THBD: variants seen among roughly 807,000 people sequenced by gnomAD.
The protein encoded by THBD is CD141 antigen.
For missense variants in THBD, 850 were observed against 816.9 expected (o/e 1.04, Z -0.49); for synonymous variants, 449 against 374.2 (o/e 1.20, Z -2.31).
Position 23,049,341 on chromosome 20 carries a change from A to G in THBD, c.164T>C (p.Leu55Pro), listed in dbSNP as rs1286839461. 1 of 1,597,108 alleles carries G rather than the reference A, an allele frequency of 6.3e-7. No individual in the cohort carries two copies. The highest frequency in any genetic ancestry group is 2.3e-5 in the East Asian group (1 of 43,916). Residue 55 changes from leucine to proline, a missense_variant, in exon 1 of 1, where the codon CTG becomes CCG. Coordinates refer to ENST00000377103, the MANE Select transcript of THBD (RefSeq NM_000361.3). ...GCGCACTGTCATTAGGTGGCCCCGC[A>G]GTCCGTCGCAGATCTGACTGGCATT... is the stretch of plus-strand genomic sequence containing the variant. ...FLNASQICDG[L>P]RGHLMTVRSS...
chr20:23,049,053 G>C lies in THBD; in HGVS notation c.452C>G (p.Pro151Arg). ...TTCGCACTGCTGCTCCTCCCAGATC[G>C]GCTCGCTGGGCACAGTGGCCTCAGC... Reference protein sequence around the residue: ...SAAEATVPSEPIWEEQQCEVK... With the variant: ...SAAEATVPSERIWEEQQCEVK... The change falls in exon 1 of 1, where the codon CCG becomes CGG. Residue 151 changes from proline (P) to arginine (R), a missense_variant. Physicochemically the swap from Pro to Arg is moderately radical, Grantham distance 103. Coordinates refer to ENST00000377103, the MANE Select transcript of THBD (RefSeq NM_000361.3). 5 of 1,564,074 alleles carry C rather than the reference G, an allele frequency of 3.2e-6. No homozygotes were observed. Among genetic ancestry groups the C allele is most frequent in the East Asian group, 2.4e-5 (1 of 42,250 alleles).
chr20:23,048,607 G>T lies in THBD; in HGVS notation c.898C>A (p.Pro300Thr), dbSNP rs199987510. 22 of 1,598,452 alleles carry T rather than the reference G, an allele frequency of 1.4e-5. No individual in the cohort carries two copies. In the East Asian group the frequency reaches 4.7e-4, roughly 34 times the overall value. The change falls in exon 1 of 1, where the codon CCC becomes ACC. Residue 300 changes from proline to threonine, a missense_variant. Physicochemically the swap from Pro to Thr is conservative, Grantham distance 38. Transcript: ENST00000377103. ...DLCEHFCVPN[P>T]DQPGSYSCMC... ...CACGAGTAGGAGCCCGGCTGGTCGGGGTTGGGAACGCAGAAGTGCTCGCAG... is the reference window on the plus strand; with the variant it reads ...CACGAGTAGGAGCCCGGCTGGTCGGTGTTGGGAACGCAGAAGTGCTCGCAG...
Position 23,049,406 on chromosome 20 carries a change from G to T in THBD, c.99C>A (p.His33Gln), listed in dbSNP as rs1339163354. 6.3e-7 allele frequency: 1 copy of T among 1,590,872 alleles called. No homozygotes were observed. Among genetic ancestry groups the T allele is most frequent in the Admixed American group, 1.7e-5 (1 of 57,206 alleles). The change falls in exon 1 of 1, where the codon CAC (histidine) becomes CAA (glutamine). Residue 33 changes from histidine to glutamine, a missense_variant. By Grantham distance (24) the His-to-Gln change is conservative (BLOSUM62 0). Coordinates refer to ENST00000377103, the MANE Select transcript of THBD (RefSeq NM_000361.3). Reference sequence around the variant, plus strand: ...GGCCCGGGTAGAGCGCGAAGCAGTCGTGCTCGACGCACTGGCTGCCACCCG... The same window carrying T: ...GGCCCGGGTAGAGCGCGAAGCAGTCTTGCTCGACGCACTGGCTGCCACCCG... ...PQPGGSQCVE[H>Q]DCFALYPGPA...
Position 23,048,972 on chromosome 20 carries a change from A to G in THBD, c.533T>C (p.Leu178Pro). Residue 178 changes from leucine (L) to proline (P), a missense_variant, in exon 1 of 1, where the codon CTG becomes CCG. Physicochemically the swap from Leu to Pro is moderately conservative, Grantham distance 98. Transcript: ENST00000377103. ...AGCCGCGGCGCCGGGCTCCACAGCC[A>G]GTGGCCTGCAGGTGGCTGGGAAGTG... Reference protein sequence around the residue: ...EFHFPATCRPLAVEPGAAAAA... With the variant: ...EFHFPATCRPPAVEPGAAAAA... The G allele has an allele frequency of 6.4e-7, 1 of 1,561,872 alleles. No individual in the cohort carries two copies. The highest frequency in any genetic ancestry group is 2.4e-5 in the East Asian group (1 of 42,340).
In THBD at chr20:23,048,367, G is replaced by T; in HGVS notation, c.1138C>A (p.Pro380Thr). The change falls in exon 1 of 1, where the codon CCC (proline) becomes ACC (threonine). Residue 380 changes from proline (P) to threonine (T), a missense_variant. Transcript: ENST00000377103. ...FRANCEYQCQPLNQTSYLCVC... is the reference protein window; with the variant it reads ...FRANCEYQCQTLNQTSYLCVC... ...CAGAGGTAGCTAGTTTGGTTCAGGG[G>T]CTGGCACTGGTACTCGCAGTTGGCT... The T allele has an allele frequency of 6.2e-7, 1 of 1,613,992 alleles. No individual in the cohort carries two copies. The highest frequency in any genetic ancestry group is 8.5e-7 in the Non-Finnish European group (1 of 1,180,018).
chr20:23,047,979 G>A lies in THBD; in HGVS notation c.1526C>T (p.Ala509Val), dbSNP rs1600409264. ...PTPGSTLTPP[A>V]VGLVHSGLLI... ...CAAGCCCGAATGCACGAGCCCCACG[G>A]CCGGAGGAGTCAAGGTGGAGCCGGG... The change falls in exon 1 of 1, where the codon GCC becomes GTC. Residue 509 changes from alanine to valine, a missense_variant. Transcript: ENST00000377103. 9 of 1,608,812 alleles carry A rather than the reference G, an allele frequency of 5.6e-6. No individual in the cohort carries two copies. In the Admixed American group the frequency reaches 6.8e-5, roughly 12 times the overall value.
In THBD at chr20:23,048,047, G is replaced by A. The variant is rs200575906; in HGVS notation, c.1458C>T (p.Asp486=). The change falls in exon 1 of 1, where the codon GAC becomes GAT. Residue 486 remains aspartate, a synonymous_variant. Coordinates refer to ENST00000377103, the MANE Select transcript of THBD (RefSeq NM_000361.3). ...GCTCGCCAGAGCCGCTGTCGCCACC[G>A]TCCACCTTGCCGGAGTCACAGTCGG... The part of the protein sequence containing the change: ...IGTDCDSGKV[D]GGDSGSGEPP... 3.7e-5 allele frequency: 60 copies of A among 1,612,140 alleles called. No homozygotes were observed. The African/African-American group carries it at 7.5e-4, about 20-fold the overall frequency.
In THBD at chr20:23,047,664, G is replaced by A; in HGVS notation, c.*113C>T. ...GGAATAGAAGAAAACAGCTTGGGGGGTGCGGGGAGGGTCTTCTCCAGCTGT... is the reference window on the plus strand; with the variant it reads ...GGAATAGAAGAAAACAGCTTGGGGGATGCGGGGAGGGTCTTCTCCAGCTGT... On this transcript the variant is annotated 3_prime_UTR_variant, in exon 1 of 1. Transcript: ENST00000377103. The A allele has an allele frequency of 2.3e-6, 3 of 1,307,982 alleles. No homozygotes were observed. The highest frequency in any genetic ancestry group is 3.1e-6 in the Non-Finnish European group (3 of 963,372). 81.0% of individuals were successfully genotyped at this position (1,307,982 alleles called of 1,614,324 possible).
rs1422056834 is a variant in THBD at position 23,046,237 on chromosome 20, T to C, written c.*1540A>G. On this transcript the variant is annotated 3_prime_UTR_variant, in exon 1 of 1. Transcript: ENST00000377103. ...AGACCTTGCAGACCCTGTGTGGCAG[T>C]GTCTAGAGCTGTGTACCTAGCCTTT... The C allele has an allele frequency of 1.3e-5, 2 of 152,600 alleles. No individual in the cohort carries two copies. The highest frequency in any genetic ancestry group is 6.5e-5 in the Admixed American group (1 of 15,282). The allele number at this position is 152,600 out of a possible 1,614,324, so 9.5% of individuals were successfully genotyped here.
Position 23,047,896 on chromosome 20 carries a change from A to G in THBD, c.1609T>C (p.Cys537Arg). 6.2e-7 allele frequency: 1 copy of G among 1,607,774 alleles called. No homozygotes were observed. Among genetic ancestry groups the G allele is most frequent in the Non-Finnish European group, 8.5e-7 (1 of 1,177,462 alleles). ...GCGCCCTGCTTCTTGCGCAGGTGGCAGAGGAGCGCCAAAAGCGCCACCACC... is the reference window on the plus strand; with the variant it reads ...GCGCCCTGCTTCTTGCGCAGGTGGCGGAGGAGCGCCAAAAGCGCCACCACC... ...CLVVALLALL[C>R]HLRKKQGAAR... The change falls in exon 1 of 1, where the codon TGC becomes CGC. Residue 537 changes from cysteine (C) to arginine (R), a missense_variant. Coordinates refer to ENST00000377103, the MANE Select transcript of THBD (RefSeq NM_000361.3).
Position 23,049,072 on chromosome 20 carries a change from C to T in THBD, c.433G>A (p.Ala145Thr), listed in dbSNP as rs1196460832. ...CAGATCGGCTCGCTGGGCACAGTGG[C>T]CTCAGCAGCGGAGACAGCGACGCAC... ...PLCVAVSAAE[A>T]TVPSEPIWEE... Residue 145 changes from alanine (A) to threonine (T), a missense_variant, in exon 1 of 1, where the codon GCC (alanine) becomes ACC (threonine). Ala to Thr is a moderately conservative substitution (Grantham distance 58). Transcript: ENST00000377103. The T allele has an allele frequency of 6.4e-7, 1 of 1,573,044 alleles. No individual in the cohort carries two copies. Among genetic ancestry groups the T allele is most frequent in the Non-Finnish European group, 8.6e-7 (1 of 1,161,574 alleles).
Position 23,046,672 on chromosome 20 carries a change from G to T in THBD, c.*1105C>A, listed in dbSNP as rs1984578967. ...GACCAGTAGAGCTGGTTTTATTTTGGTCTACCAGTGACAAGGAACAGTGAC... is the reference window on the plus strand; with the variant it reads ...GACCAGTAGAGCTGGTTTTATTTTGTTCTACCAGTGACAAGGAACAGTGAC... On this transcript the variant is annotated 3_prime_UTR_variant, in exon 1 of 1. Transcript: ENST00000377103. 1 of 152,336 alleles carries T rather than the reference G, an allele frequency of 6.6e-6. No homozygotes were observed. The highest frequency in any genetic ancestry group is 2.4e-5 in the African/African-American group (1 of 41,572). The allele number at this position is 152,336 out of a possible 1,614,324, so 9.4% of individuals were successfully genotyped here.
Position 23,048,774 on chromosome 20 carries a change from T to C in THBD, c.731A>G (p.Asp244Gly), listed in dbSNP as rs1347459395. ...GCAGCCGCCGTTCTCCACGCTGCAG[T>C]CCCAAGCGCCCGGCGCCTCCCTGGC... The part of the protein sequence containing the change: ...HWAREAPGAW[D>G]CSVENGGCEH... The change falls in exon 1 of 1, where the codon GAC becomes GGC. Residue 244 changes from aspartate (D) to glycine (G), a missense_variant. Physicochemically the swap from Asp to Gly is moderately conservative, Grantham distance 94. Transcript: ENST00000377103. 2.6e-6 allele frequency: 4 copies of C among 1,550,134 alleles called. No individual in the cohort carries two copies. In the African/African-American group the frequency reaches 4.1e-5, roughly 16 times the overall value.
chr20:23,048,993 A>G lies in THBD; in HGVS notation c.512T>C (p.Phe171Ser). 6.4e-7 allele frequency: 1 copy of G among 1,568,732 alleles called. No individual in the cohort carries two copies. The highest frequency in any genetic ancestry group is 8.6e-7 in the Non-Finnish European group (1 of 1,158,316). The change falls in exon 1 of 1, where the codon TTC (phenylalanine) becomes TCC (serine). Residue 171 changes from phenylalanine (F) to serine (S), a missense_variant. Coordinates refer to ENST00000377103, the MANE Select transcript of THBD (RefSeq NM_000361.3). ...AGCCAGTGGCCTGCAGGTGGCTGGGAAGTGGAACTCGCAGAGGAAGCCATC... is the reference window on the plus strand; with the variant it reads ...AGCCAGTGGCCTGCAGGTGGCTGGGGAGTGGAACTCGCAGAGGAAGCCATC... ...KADGFLCEFH[F>S]PATCRPLAVE...
In THBD at chr20:23,045,937, T is replaced by C. The variant is rs1371363824; in HGVS notation, c.*1840A>G. On this transcript the variant is annotated 3_prime_UTR_variant, in exon 1 of 1. Coordinates refer to ENST00000377103, the MANE Select transcript of THBD (RefSeq NM_000361.3). Reference sequence around the variant, plus strand: ...GCATTTGCATGGTTTGTGAGCCCCATTTAATGACATAAAATGAGGGCACTG... The same window carrying C: ...GCATTTGCATGGTTTGTGAGCCCCACTTAATGACATAAAATGAGGGCACTG... 2.0e-5 allele frequency: 3 copies of C among 152,146 alleles called. No homozygotes were observed. The highest frequency in any genetic ancestry group is 4.4e-5 in the Non-Finnish European group (3 of 68,032). The allele number at this position is 152,146 out of a possible 1,614,324, so 9.4% of individuals were successfully genotyped here.
Position 23,047,450 on chromosome 20 carries a change from CAAG to C in THBD, c.*324_*326del. On this transcript the variant is annotated 3_prime_UTR_variant, in exon 1 of 1. Coordinates refer to ENST00000377103, the MANE Select transcript of THBD (RefSeq NM_000361.3). ...TTTAGTCATCCCTAGCCCACGAGGT[CAAG>C]GTCTGCCCAGAAGGCTGCCGACCAA... The C allele has an allele frequency of 2.3e-6, 1 of 439,460 alleles. No homozygotes were observed. Among genetic ancestry groups the C allele is most frequent in the Non-Finnish European group, 4.0e-6 (1 of 247,482 alleles). The allele number at this position is 439,460 out of a possible 1,614,324, so 27.2% of individuals were successfully genotyped here.
In THBD at chr20:23,048,468, C is replaced by G; in HGVS notation, c.1037G>C (p.Gly346Ala). 6.2e-7 allele frequency: 1 copy of G among 1,612,826 alleles called. No homozygotes were observed. Among genetic ancestry groups the G allele is most frequent in the African/African-American group, 1.3e-5 (1 of 75,060 alleles). ...GTTAGGGTAGCAGTGGCACTCGAAG[C>G]CACCCTGTGTGTTGACACAGCGCTG... ...CPQRCVNTQG[G>A]FECHCYPNYD... The change falls in exon 1 of 1, where the codon GGC becomes GCC. Residue 346 changes from glycine to alanine, a missense_variant. By Grantham distance (60) the Gly-to-Ala change is moderately conservative. Transcript: ENST00000377103.
chr20:23,048,451 A>G lies in THBD; in HGVS notation c.1054T>C (p.Tyr352His). The G allele has an allele frequency of 1.2e-6, 2 of 1,613,640 alleles. No homozygotes were observed. The highest frequency in any genetic ancestry group is 4.5e-5 in the East Asian group (2 of 44,864). The change falls in exon 1 of 1, where the codon TAC (tyrosine) becomes CAC (histidine). Residue 352 changes from tyrosine (Y) to histidine (H), a missense_variant. By Grantham distance (83) the Tyr-to-His change is moderately conservative. Coordinates refer to ENST00000377103, the MANE Select transcript of THBD (RefSeq NM_000361.3). Reference protein sequence around the residue: ...NTQGGFECHCYPNYDLVDGEC... With the variant: ...NTQGGFECHCHPNYDLVDGEC... ...CCGTCCACCAGGTCGTAGTTAGGGT[A>G]GCAGTGGCACTCGAAGCCACCCTGT... is the stretch of plus-strand genomic sequence containing the variant.
In THBD at chr20:23,048,308, G is replaced by A. The variant is rs774012895; in HGVS notation, c.1197C>T (p.His399=). Residue 399 remains histidine (H), a synonymous_variant, in exon 1 of 1, where the codon CAC becomes CAT. Transcript: ENST00000377103. ...VCAEGFAPIP[H]EPHRCQMFCN... ...AAAACATCTGGCACCTGTGCGGCTC[G>A]TGGGGAATGGGCGCGAAGCCCTCGG... 5.6e-5 allele frequency: 91 copies of A among 1,613,776 alleles called. No individual in the cohort carries two copies. Among genetic ancestry groups the A allele is most frequent in the Non-Finnish European group, 7.2e-5 (85 of 1,180,052 alleles).
Sources: gnomAD v4.1 joint callset for allele counts on GRCh38, gnomAD v4.1.1 for gene constraint, MANE v1.5 for transcripts, NCBI Gene and HGNC (gene_info 2026-07-23, HGNC 2026-07-21) for gene names.